Variants in UNC13C observed in about 807,000 individuals in gnomAD.
The protein encoded by UNC13C is unc-13 homolog C, also known as protein unc-13 homolog C.
Under a neutral mutation model 245.4 loss-of-function variants are expected in UNC13C, and 174 were observed. The observed-to-expected ratio is 0.71, with a 90% CI of 0.63 to 0.80. The LOEUF is 0.80. UNC13C is among the 30% of genes least tolerant of loss of function. UNC13C has a pLI of 0.00. For synonymous variants in UNC13C, 992 were observed against 895.1 expected, an observed-to-expected ratio of 1.11 and a Z score of -1.93; for missense variants, 2,829 against 2,602.9, an observed-to-expected ratio of 1.09 and a Z score of -1.89.
intron 30 of UNC13C, among the ~76,000 whole-genome samples, chr15:54,604,246 A>G (rs929573456): frequency 4.6e-5 from 7 of 152,224 alleles, no homozygotes; most frequent in African/African-American, 1.7e-4. Flanking sequence ...AATTTCCAAA[A>G]GTATGAGTTA....
In UNC13C at chr15:54,075,508, C is replaced by T. The variant is rs1334380226; in HGVS notation, c.2983+59622C>T. Among the ~76,000 whole-genome samples the T allele has an allele frequency of 6.6e-5, 8 of 121,916 alleles. 1 individual carries two copies. Among genetic ancestry groups the T allele is most frequent in the South Asian group, 2.8e-4 (1 of 3,518 alleles). 80.0% of individuals were successfully genotyped at this position (121,916 alleles called of 152,430 possible). ...CGGAGCTTGCAGTGAGCCGAGATGG[C>T]GCCACTGCACTCCAGCCCGGGCGAC... is the stretch of plus-strand genomic sequence containing the variant. On this transcript the variant is annotated intron_variant, in intron 2 of 32. Coordinates refer to ENST00000260323, the MANE Select transcript of UNC13C (RefSeq NM_001080534.3).
chr15:54,494,256 C>T (rs1276086545), intron 19 of UNC13C, among the ~76,000 whole-genome samples: 1 of 152,076 alleles, frequency 6.6e-6, no homozygotes, highest in African/African-American at 2.4e-5. Flanking sequence ...TTTTAATTCT[C>T]TCTGTCACTT....
At chr15:54,042,627 G>T (rs950039001) in intron 2 of UNC13C, among the ~76,000 whole-genome samples, 3 of 152,120 alleles carry the variant, frequency 2.0e-5, no homozygotes, top group Non-Finnish European at 4.4e-5. Context: ...GCTGAGGCGG[G>T]CGGATCACAA....
At chr15:54,592,956 G>A (rs1490152074) in intron 30 of UNC13C, among the ~76,000 whole-genome samples, 3 of 148,876 alleles carry the variant, frequency 2.0e-5, no homozygotes, top group Non-Finnish European at 4.5e-5. Flanking sequence ...TCCAGGATTT[G>A]TTTCAAGAGT....
intron 2 of UNC13C, among the ~76,000 whole-genome samples, chr15:54,017,880 C>T (rs2140998936): frequency 6.6e-6 from 1 of 152,288 alleles, no homozygotes; most frequent in South Asian, 2.1e-4. Context: ...CCTCCATCCT[C>T]TTGGAGCTTG....
At chr15:53,850,849 G>C in the UNC13C span, among the ~76,000 whole-genome samples, 1 of 151,254 alleles carries the variant, frequency 6.6e-6, no homozygotes, top group African/African-American at 2.4e-5. Flanking sequence ...ATGTCATTGA[G>C]GCTCTGGTCA....
intron 19 of UNC13C, among the ~76,000 whole-genome samples, chr15:54,448,305 C>G (rs1335355980): frequency 6.6e-6 from 1 of 152,172 alleles, no homozygotes; most frequent in Admixed American, 6.5e-5. Flanking sequence ...TGGTGCAGAG[C>G]TGAGTTCAAT....
At chr15:54,468,747 A>C (rs1014715815) in intron 19 of UNC13C, among the ~76,000 whole-genome samples, 1 of 151,672 alleles carries the variant, frequency 6.6e-6, no homozygotes, top group African/African-American at 2.4e-5. Flanking sequence ...GTCAAAAATA[A>C]ATTGACTATA....
chr15:54,117,566 TCATTTTCTCTATCTCTAG>T (rs2030351372), intron 2 of UNC13C, among the ~76,000 whole-genome samples: 3 of 124,196 alleles, frequency 2.4e-5, no homozygotes, highest in African/African-American at 9.3e-5. Flanking sequence ...TCTCTCTCTC[TCATTTTCTCTATCTCTAG>T]CTCTCTCTCT....
At chr15:53,996,561 T>A (rs1170260756) in intron 1 of UNC13C, among the ~76,000 whole-genome samples, 2 of 152,194 alleles carry the variant, frequency 1.3e-5, no homozygotes, top group Non-Finnish European at 2.9e-5. Context: ...ATGAAAACAC[T>A]TAACCACTCT....
At chr15:53,892,701 G>A in the UNC13C span, among the ~76,000 whole-genome samples, 9 of 151,904 alleles carry the variant, frequency 5.9e-5, no homozygotes, top group Non-Finnish European at 8.8e-5. Context: ...TGAAGTTCTC[G>A]TGCTGTGTTT....
the UNC13C span, among the ~76,000 whole-genome samples, chr15:53,837,717 A>G: frequency 6.6e-6 from 1 of 152,138 alleles, no homozygotes; most frequent in Admixed American, 6.6e-5. Context: ...TGAAAATTTC[A>G]CTGGAATTGA....
At chr15:54,255,631 A>C (rs11630366) in intron 8 of UNC13C, among the ~76,000 whole-genome samples, 86,578 of 151,974 alleles carry the variant, frequency 0.57, 26,491 homozygotes, top group African/African-American at 0.8. Flanking sequence ...TGGCTAGAGC[A>C]TTAGGGTTTT....
chr15:54,199,792 A>G (rs776224725), intron 4 of UNC13C, among the ~76,000 whole-genome samples: 4 of 152,252 alleles, frequency 2.6e-5, no homozygotes, highest in South Asian at 2.1e-4. Context: ...AACAAAAACC[A>G]AGGTATTCAG....
At chr15:54,444,319 TATATA>T (rs1162492672) in intron 19 of UNC13C, among the ~76,000 whole-genome samples, 2 of 151,038 alleles carry the variant, frequency 1.3e-5, no homozygotes, top group African/African-American at 4.9e-5. Context: ...TATATACATA[TATATA>T]ATATGTCATA....
intron 14 of UNC13C, among the ~76,000 whole-genome samples, chr15:54,326,687 C>CAG (rs1394677385): frequency 5.9e-5 from 9 of 151,994 alleles, no homozygotes; most frequent in Admixed American, 1.3e-4. Context: ...AGAAAACAGG[C>CAG]AGAGACAGAG....
intron 8 of UNC13C, among the ~76,000 whole-genome samples, chr15:54,262,671 CT>C (rs565033451): frequency 4.0e-5 from 6 of 151,862 alleles, no homozygotes; most frequent in Middle Eastern, 6.8e-3. Flanking sequence ...GGAATTCATT[CT>C]TTTTTTTGTC....
At chr15:54,599,299 C>T (rs1899268760) in intron 30 of UNC13C, among the ~76,000 whole-genome samples, 1 of 152,040 alleles carries the variant, frequency 6.6e-6, no homozygotes. Context: ...TTCTAATAAA[C>T]ATGAGGGTTT....
chr15:54,515,040 G>T (rs57041787), intron 24 of UNC13C, among the ~76,000 whole-genome samples: 3,075 of 152,122 alleles, frequency 0.02, 103 homozygotes, highest in African/African-American at 0.071. Context: ...TACAAATCAG[G>T]GGCATGTTTT....
Sources: gnomAD v4.1 joint callset for allele counts (sites outside exome capture counted in the v4.1 genomes callset) on GRCh38, gnomAD v4.1.1 for gene constraint, MANE v1.5 for transcripts, NCBI Gene and HGNC (gene_info 2026-07-23, HGNC 2026-07-21) for gene names.